DOCK3: variants seen among roughly 807,000 people sequenced by gnomAD.
The protein encoded by DOCK3 is dedicator of cytokinesis protein 3.
A neutral mutation model predicts 265.6 loss-of-function variants in DOCK3; 60 were observed. The observed-to-expected ratio is 0.23, with a 90% CI of 0.18 to 0.28. DOCK3 has a LOEUF of 0.28. Ranked by LOEUF, DOCK3 falls within the 10% of genes least tolerant of loss-of-function variation. The pLI is 1.00. For missense variants in DOCK3, 1,981 were observed against 2,594.3 expected (o/e 0.76, Z 5.14); for synonymous variants, 881 against 938.0 (o/e 0.94, Z 1.11).
intron 12 of DOCK3, among the ~76,000 whole-genome samples, chr3:51,165,770 G>A (rs938270975): frequency 1.3e-5 from 2 of 152,004 alleles, no homozygotes; most frequent in Admixed American, 1.3e-4. Context: ...ACAAAAGCAG[G>A]ATTCCCTTTT....
intron 12 of DOCK3, among the ~76,000 whole-genome samples, chr3:51,167,922 G>A (rs1213361771): frequency 6.6e-6 from 1 of 152,132 alleles, no homozygotes; most frequent in Non-Finnish European, 1.5e-5. Flanking sequence ...CAGTCTGGAT[G>A]TGTCTAATTT....
chr3:51,374,554 C>T lies in DOCK3; in HGVS notation c.5379C>T (p.Ala1793=), dbSNP rs771148997. Residue 1793 remains alanine, a synonymous_variant, in exon 50 of 53, where the codon GCC becomes GCT. Transcript: ENST00000266037. The surrounding 1 kb of genome is among the most constrained non-coding windows in gnomAD (Gnocchi z 4.8). ...CATACCGGGACCGCCCAAGCAGTGC[C>T]ATGTATCCAGCAGCCATCCTGGAGA... ...LPTYRDRPSS[A]MYPAAILENG... is the part of the protein sequence containing the mutation. 6.2e-7 allele frequency: 1 copy of T among 1,613,658 alleles called. No homozygotes were observed. Among genetic ancestry groups the T allele is most frequent in the Admixed American group, 1.7e-5 (1 of 59,994 alleles).
At chr3:51,009,956 A>G (rs2078121315) in intron 5 of DOCK3, among the ~76,000 whole-genome samples, 2 of 152,262 alleles carry the variant, frequency 1.3e-5, no homozygotes, top group South Asian at 4.2e-4. Context: ...CCTGAGTTCT[A>G]GTTTGATTGC....
intron 5 of DOCK3, among the ~76,000 whole-genome samples, chr3:50,949,933 C>T (rs1395022206): frequency 6.6e-6 from 1 of 150,844 alleles, no homozygotes; most frequent in Non-Finnish European, 1.5e-5. Flanking sequence ...TTCTTTATCT[C>T]TTTCTACACT....
chr3:51,143,020 A>G (rs1394196799), intron 9 of DOCK3, among the ~76,000 whole-genome samples: 1 of 151,244 alleles, frequency 6.6e-6, no homozygotes, highest in East Asian at 2.0e-4. Flanking sequence ...CCGAGCAGCT[A>G]GGATTACAGG....
At chr3:50,975,744 A>G (rs2077421351) in intron 5 of DOCK3, among the ~76,000 whole-genome samples, 2 of 152,192 alleles carry the variant, frequency 1.3e-5, no homozygotes, top group African/African-American at 4.8e-5. Context: ...TACTTCTGGT[A>G]GAATTCCGCT....
intron 6 of DOCK3, among the ~76,000 whole-genome samples, chr3:51,067,631 C>A (rs938106131): frequency 6.6e-6 from 1 of 151,750 alleles, no homozygotes; most frequent in Non-Finnish European, 1.5e-5. Context: ...TTCTTTCCCC[C>A]ACCCCTCTCT....
intron 32 of DOCK3, 139 bp downstream of exon 32, chr3:51,315,267 C>T (rs769816133): frequency 7.1e-5 from 80 of 1,130,156 alleles, no homozygotes; most frequent in Non-Finnish European, 8.7e-5. Flanking sequence ...AAGGGTTTTC[C>T]CTTACTTGCT....
intron 1 of DOCK3, among the ~76,000 whole-genome samples, chr3:50,716,412 C>T (rs928268068): frequency 6.6e-6 from 1 of 151,942 alleles, no homozygotes; most frequent in Non-Finnish European, 1.5e-5. Context: ...CCTGTAGTCC[C>T]AGTTACTTGG....
chr3:50,862,741 C>G (rs765386999), intron 3 of DOCK3, among the ~76,000 whole-genome samples: 3 of 152,170 alleles, frequency 2.0e-5, no homozygotes, highest in African/African-American at 4.8e-5. Flanking sequence ...TAATCCAGAG[C>G]AGGCAACTCC....
At chr3:50,678,291 T>G (rs968985239) in intron 1 of DOCK3, among the ~76,000 whole-genome samples, 9 of 152,156 alleles carry the variant, frequency 5.9e-5, no homozygotes, top group African/African-American at 2.2e-4. Flanking sequence ...GCTTGGAAAG[T>G]CCTGCATCCT....
intron 1 of DOCK3, among the ~76,000 whole-genome samples, chr3:50,717,170 AT>A (rs1309689574): frequency 6.6e-6 from 1 of 152,154 alleles, no homozygotes; most frequent in Non-Finnish European, 1.5e-5. Flanking sequence ...CATTATGTAC[AT>A]TTTTTGCTAA....
At chr3:50,735,682 TAA>T (rs1323632455) in intron 1 of DOCK3, among the ~76,000 whole-genome samples, 1 of 152,198 alleles carries the variant, frequency 6.6e-6, no homozygotes, top group Non-Finnish European at 1.5e-5. Context: ...TTTCTTTTAA[TAA>T]AGTGTCTGCC....
intron 12 of DOCK3, among the ~76,000 whole-genome samples, chr3:51,192,899 C>T (rs111978250): frequency 3.0e-4 from 45 of 152,176 alleles, no homozygotes; most frequent in African/African-American, 9.4e-4. Flanking sequence ...ACTTGGATGC[C>T]GGTTAGTTTT....
At chr3:50,754,709 G>A (rs190926700) in intron 1 of DOCK3, among the ~76,000 whole-genome samples, 7 of 151,928 alleles carry the variant, frequency 4.6e-5, no homozygotes, top group Admixed American at 2.6e-4. Flanking sequence ...ACAGGTGTGC[G>A]CTACCACGCC....
intron 9 of DOCK3, among the ~76,000 whole-genome samples, chr3:51,129,796 C>T (rs1416636143): frequency 6.6e-6 from 1 of 152,228 alleles, no homozygotes; most frequent in East Asian, 1.9e-4. Context: ...TCCCTATCTG[C>T]CATTGACACC....
chr3:50,891,304 G>A (rs1252423876), intron 4 of DOCK3, among the ~76,000 whole-genome samples: 1 of 152,026 alleles, frequency 6.6e-6, no homozygotes, highest in East Asian at 1.9e-4. Context: ...TAATTGTCTT[G>A]TATGCCTTCC....
At chr3:50,819,149 A>T (rs929969472) in intron 2 of DOCK3, among the ~76,000 whole-genome samples, 3 of 152,118 alleles carry the variant, frequency 2.0e-5, no homozygotes, top group African/African-American at 7.2e-5. Flanking sequence ...TCTAGAATTG[A>T]GTTTTGTATC....
intron 4 of DOCK3, among the ~76,000 whole-genome samples, chr3:50,895,765 G>A (rs998444897): frequency 5.3e-5 from 8 of 152,102 alleles, no homozygotes; most frequent in Non-Finnish European, 1.5e-5. Flanking sequence ...AACATGTGGT[G>A]TTTGGTCTTC....
Sources: gnomAD v4.1 joint callset for allele counts (sites outside exome capture counted in the v4.1 genomes callset) on GRCh38, gnomAD v4.1.1 for gene constraint, Gnocchi (gnomAD v3.1) non-coding constraint, MANE v1.5 for transcripts, NCBI Gene and HGNC (gene_info 2026-07-23, HGNC 2026-07-21) for gene names.